CSMD1: variants seen among roughly 807,000 people sequenced by gnomAD.
CSMD1 encodes CUB and Sushi multiple domains 1.
A neutral mutation model predicts 417.5 loss-of-function variants in CSMD1; 213 were observed. That is an observed-to-expected ratio of 0.51 (90% CI 0.46 to 0.57). The LOEUF (loss-of-function observed/expected upper bound fraction) is 0.57. Among genes scored for constraint, CSMD1 ranks in the 20% least tolerant of loss-of-function variants. CSMD1 has a pLI of 0.00. For synonymous variants in CSMD1, 2,862 were observed against 1,736.8 expected (o/e 1.65, Z -16.11); for missense variants, 6,923 against 4,529.7 (o/e 1.53, Z -15.17).
chr8:3,168,962 T>A (rs776836707), intron 37 of CSMD1, among the ~76,000 whole-genome samples: 2 of 152,126 alleles, frequency 1.3e-5, no homozygotes, highest in Non-Finnish European at 2.9e-5. Context: ...TATATTAGCA[T>A]TTTACTGGTG....
intron 10 of CSMD1, among the ~76,000 whole-genome samples, chr8:3,507,146 G>T (rs1289496142): frequency 1.3e-5 from 2 of 152,124 alleles, no homozygotes; most frequent in Non-Finnish European, 2.9e-5. Flanking sequence ...TTACATAGTG[G>T]AAAAGTGGTG....
intron 3 of CSMD1, among the ~76,000 whole-genome samples, chr8:4,168,084 G>A (rs1205086703): frequency 6.6e-6 from 1 of 151,598 alleles, no homozygotes; most frequent in African/African-American, 2.4e-5. Context: ...AGCTGAAATC[G>A]CACCACTGCT....
At chr8:4,400,999 A>G (rs1186809097) in intron 3 of CSMD1, among the ~76,000 whole-genome samples, 1 of 152,162 alleles carries the variant, frequency 6.6e-6, no homozygotes, top group Non-Finnish European at 1.5e-5. Context: ...GTTTCTTAAC[A>G]TGAAACTGAG....
chr8:4,099,681 C>T (rs1010173050), intron 3 of CSMD1, among the ~76,000 whole-genome samples: 1 of 151,924 alleles, frequency 6.6e-6, no homozygotes, highest in Non-Finnish European at 1.5e-5. Context: ...TAAATACAAA[C>T]AAACAAACAA....
chr8:4,889,841 G>C (rs80189006), intron 1 of CSMD1, among the ~76,000 whole-genome samples: 2 of 152,036 alleles, frequency 1.3e-5, no homozygotes, highest in Admixed American at 6.5e-5. Flanking sequence ...AGAATTGCTG[G>C]AGTTACTTTG....
chr8:4,977,705 C>T (rs1189830994), intron 1 of CSMD1, among the ~76,000 whole-genome samples: 1 of 152,150 alleles, frequency 6.6e-6, no homozygotes, highest in Non-Finnish European at 1.5e-5. Flanking sequence ...TAAGGAGGTC[C>T]CATTTGAAAA....
chr8:4,623,747 A>G (rs1801920821), intron 2 of CSMD1, among the ~76,000 whole-genome samples: 2 of 152,138 alleles, frequency 1.3e-5, no homozygotes, highest in Admixed American at 6.5e-5. Flanking sequence ...GTGTGTATAT[A>G]TATATTTCAT....
intron 1 of CSMD1, among the ~76,000 whole-genome samples, chr8:4,649,522 T>A (rs991496102): frequency 3.9e-5 from 6 of 152,262 alleles, no homozygotes; most frequent in Admixed American, 2.0e-4. Context: ...CTTCTACCCC[T>A]GTGCTCATCC....
intron 5 of CSMD1, among the ~76,000 whole-genome samples, chr8:3,920,196 G>A (rs948471327): frequency 3.3e-5 from 5 of 151,916 alleles, no homozygotes; most frequent in African/African-American, 1.2e-4. Context: ...AGCATATCTG[G>A]CTAACTTTTC....
intron 1 of CSMD1, among the ~76,000 whole-genome samples, chr8:4,956,377 A>G (rs112140360): frequency 0.045 from 6,765 of 150,708 alleles, 236 homozygotes; most frequent in Middle Eastern, 0.11. Flanking sequence ...ATAGGATGAT[A>G]TAAGATGTAT....
At chr8:4,969,912 G>A (rs968769952) in intron 1 of CSMD1, among the ~76,000 whole-genome samples, 4 of 152,090 alleles carry the variant, frequency 2.6e-5, no homozygotes, top group African/African-American at 4.8e-5. Context: ...TAGAGTTTGA[G>A]TTTGAAGTAT....
chr8:3,074,009 C>T (rs547991558), intron 49 of CSMD1, among the ~76,000 whole-genome samples: 8 of 152,314 alleles, frequency 5.3e-5, no homozygotes, highest in South Asian at 4.1e-4. Context: ...AGTTCAGGTA[C>T]GGGCGTGGCC....
At chr8:3,821,407 G>T (rs137942603) in intron 5 of CSMD1, among the ~76,000 whole-genome samples, 47 of 152,260 alleles carry the variant, frequency 3.1e-4, no homozygotes, top group Admixed American at 1.3e-3. Flanking sequence ...ACACACACGC[G>T]CATGTGGATT....
intron 7 of CSMD1, among the ~76,000 whole-genome samples, chr8:3,699,166 G>C (rs1585095130): frequency 6.6e-6 from 1 of 152,322 alleles, no homozygotes; most frequent in African/African-American, 2.4e-5. Context: ...GTGGGATGGA[G>C]GAAAATTAGT....
At chr8:3,957,811 T>C (rs1327991952) in intron 5 of CSMD1, among the ~76,000 whole-genome samples, 1 of 152,142 alleles carries the variant, frequency 6.6e-6, no homozygotes, top group Non-Finnish European at 1.5e-5. Flanking sequence ...TTCATAAAGC[T>C]CAGAGGAAAT....
chr8:3,632,842 T>C (rs145991832), intron 7 of CSMD1, among the ~76,000 whole-genome samples: 125 of 152,308 alleles, frequency 8.2e-4, no homozygotes, highest in African/African-American at 2.6e-3. Flanking sequence ...CCTTCAGAGA[T>C]TATGTTCCTG....
intron 3 of CSMD1, among the ~76,000 whole-genome samples, chr8:4,281,933 G>A (rs1015140493): frequency 1.3e-5 from 2 of 152,158 alleles, no homozygotes; most frequent in Non-Finnish European, 2.9e-5. Flanking sequence ...CATAGATGCT[G>A]GTGAATGTGC....
At chr8:3,392,073 A>C (rs1277690204) in intron 17 of CSMD1, among the ~76,000 whole-genome samples, 1 of 128,360 alleles carries the variant, frequency 7.8e-6, no homozygotes, top group Non-Finnish European at 1.6e-5. Flanking sequence ...AAATGGATCC[A>C]GGAAGGGGAA....
At chr8:4,172,828 T>C (rs1415564123) in intron 3 of CSMD1, among the ~76,000 whole-genome samples, 2 of 152,030 alleles carry the variant, frequency 1.3e-5, no homozygotes, top group African/African-American at 2.4e-5. Flanking sequence ...TATGTCCATA[T>C]GGAAGGGACT....
Sources: allele counts gnomAD v4.1 joint callset (sites outside exome capture counted in the v4.1 genomes callset), GRCh38; gene constraint gnomAD v4.1.1; transcripts MANE v1.5; gene names NCBI Gene and HGNC (gene_info 2026-07-23, HGNC 2026-07-21).